LDLRAD4: variants seen among roughly 807,000 people sequenced by gnomAD.
LDLRAD4 encodes the protein low-density lipoprotein receptor class A domain-containing protein 4.
In LDLRAD4, 5 loss-of-function variants were observed where a neutral mutation model predicts 17.0. That is an observed-to-expected ratio of 0.29 (90% confidence interval 0.15 to 0.62). LDLRAD4 has a LOEUF of 0.62. Ranked by LOEUF, LDLRAD4 falls within the 20% of genes least tolerant of loss-of-function variation. LDLRAD4 has a pLI of 0.84. For synonymous variants in LDLRAD4, 168 were observed against 171.8 expected, an observed-to-expected ratio of 0.98 and a Z score of 0.17; for missense variants, 340 against 424.7, an observed-to-expected ratio of 0.80 and a Z score of 1.75.
chr18:13,518,317 C>T lies in LDLRAD4; in HGVS notation c.181+79933C>T, dbSNP rs550101025. Reference sequence around the variant, plus strand: ...ATTAGTTCACTCCTCAGCTGTGTCTCGTGTTACTAGACCCATCCAGTAGGT... The same window carrying T: ...ATTAGTTCACTCCTCAGCTGTGTCTTGTGTTACTAGACCCATCCAGTAGGT... On this transcript the variant is annotated intron_variant, in intron 3 of 5. Coordinates refer to ENST00000359446, the Ensembl canonical transcript of LDLRAD4. Among the ~76,000 whole-genome samples the T allele has an allele frequency of 5.3e-5, 8 of 152,286 alleles. No homozygotes were observed. The South Asian group carries it at 8.3e-4, about 16-fold the overall frequency.
At chr18:13,634,813 A>G (rs2041950092) in intron 4 of LDLRAD4, among the ~76,000 whole-genome samples, 1 of 152,126 alleles carries the variant, frequency 6.6e-6, no homozygotes, top group Non-Finnish European at 1.5e-5. Flanking sequence ...AAGGTCTCAC[A>G]ATTCCTGATT....
intron 2 of LDLRAD4, among the ~76,000 whole-genome samples, chr18:13,401,721 A>G (rs1291013613): frequency 6.6e-6 from 1 of 152,214 alleles, no homozygotes; most frequent in Non-Finnish European, 1.5e-5. Flanking sequence ...GGGGTCAGAC[A>G]CGTGGAGAAT....
chr18:13,388,360 C>G (rs1196556819), intron 2 of LDLRAD4, among the ~76,000 whole-genome samples: 1 of 152,202 alleles, frequency 6.6e-6, no homozygotes, highest in Non-Finnish European at 1.5e-5. Flanking sequence ...AATTTGGATC[C>G]TGGCTCTTTT....
intron 4 of LDLRAD4, among the ~76,000 whole-genome samples, chr18:13,638,879 C>G (rs79983044): frequency 1.3e-5 from 2 of 152,140 alleles, no homozygotes; most frequent in African/African-American, 4.8e-5. Flanking sequence ...TGGACATGTG[C>G]ACATCTGCTC....
intron 3 of LDLRAD4, among the ~76,000 whole-genome samples, chr18:13,563,988 C>T (rs777094983): frequency 9.9e-5 from 15 of 152,214 alleles, no homozygotes; most frequent in Non-Finnish European, 1.6e-4. Context: ...TCACTGCAGC[C>T]TCAACCTCCT....
intron 3 of LDLRAD4, among the ~76,000 whole-genome samples, chr18:13,545,792 C>A (rs1382429015): frequency 6.6e-6 from 1 of 152,150 alleles, no homozygotes; most frequent in Non-Finnish European, 1.5e-5. Flanking sequence ...TGGGGTGGAG[C>A]CTTCCAGGGG....
rs551560694 is a variant in LDLRAD4 at position 13,260,106 on chromosome 18, C to T, written c.-466-17999C>T. On this transcript the variant is annotated intron_variant, in intron 1 of 5. Transcript: ENST00000399848. ...GTAGGTGCTAAGTTCAGGTCAGTTA[C>T]TTCCCCTTAAATAGAGAAGACTCTA... is the stretch of plus-strand genomic sequence containing the variant. Among the ~76,000 whole-genome samples the T allele has an allele frequency of 4.6e-5, 7 of 152,392 alleles. No homozygotes were observed. The South Asian group carries it at 1.4e-3, about 32-fold the overall frequency.
At chr18:13,374,737 C>T (rs1210780109) in intron 1 of LDLRAD4, among the ~76,000 whole-genome samples, 2 of 152,206 alleles carry the variant, frequency 1.3e-5, no homozygotes, top group East Asian at 3.9e-4. Context: ...ATGGTCATCC[C>T]TGTTGGCTGA....
chr18:13,406,847 G>C (rs898170970), intron 2 of LDLRAD4, among the ~76,000 whole-genome samples: 1 of 152,214 alleles, frequency 6.6e-6, no homozygotes, highest in Non-Finnish European at 1.5e-5. Flanking sequence ...CTGTCCCTGA[G>C]TAGAAATGCA....
intron 2 of LDLRAD4, among the ~76,000 whole-genome samples, chr18:13,436,006 C>T (rs1165264720): frequency 6.6e-6 from 1 of 152,212 alleles, no homozygotes; most frequent in African/African-American, 2.4e-5. Context: ...ATAATATCTG[C>T]TCTAATTATT....
chr18:13,369,252 AC>A (rs2084286071), intron 1 of LDLRAD4, among the ~76,000 whole-genome samples: 1 of 152,162 alleles, frequency 6.6e-6, no homozygotes, highest in Non-Finnish European at 1.5e-5. Context: ...TTTATAGAGC[AC>A]CTGTATTTGG....
intron 2 of LDLRAD4, among the ~76,000 whole-genome samples, chr18:13,411,530 G>T (rs1320772445): frequency 6.6e-6 from 1 of 152,116 alleles, no homozygotes. Flanking sequence ...TGAATCACAG[G>T]GATGAGTCTT....
intron 1 of LDLRAD4, among the ~76,000 whole-genome samples, chr18:13,297,134 G>C (rs982754414): frequency 2.0e-5 from 3 of 152,106 alleles, no homozygotes; most frequent in Admixed American, 2.0e-4. Flanking sequence ...ATTTTGCTTC[G>C]TGTTCTGAAA....
chr18:13,325,024 T>G (rs1213527615), intron 1 of LDLRAD4, among the ~76,000 whole-genome samples: 4 of 152,202 alleles, frequency 2.6e-5, no homozygotes, highest in Non-Finnish European at 5.9e-5. Flanking sequence ...GAAGAAGTCA[T>G]GTACACATTT....
chr18:13,514,207 G>T (rs886391649), intron 3 of LDLRAD4, among the ~76,000 whole-genome samples: 3 of 152,134 alleles, frequency 2.0e-5, no homozygotes, highest in Non-Finnish European at 2.9e-5. Context: ...CTGAAGTCCT[G>T]GGTTGTATCC....
intron 3 of LDLRAD4, among the ~76,000 whole-genome samples, chr18:13,446,573 A>G (rs917421141): frequency 1.3e-5 from 2 of 152,212 alleles, no homozygotes; most frequent in Non-Finnish European, 2.9e-5. Flanking sequence ...CTACAAACTG[A>G]TAAGCTATCC....
intron 1 of LDLRAD4, among the ~76,000 whole-genome samples, chr18:13,313,793 C>CCA: frequency 6.6e-6 from 1 of 150,698 alleles, no homozygotes; most frequent in Non-Finnish European, 1.5e-5. Flanking sequence ...TGTACCTGTG[C>CCA]CTTGTGAAAA....
rs138118404 is a variant in LDLRAD4 at position 13,261,314 on chromosome 18, A to G, written c.-466-16791A>G. On this transcript the variant is annotated intron_variant, in intron 1 of 5. Coordinates refer to the LDLRAD4 transcript ENST00000399848. Reference sequence around the variant, plus strand: ...AGATTTTCTTCATCTTGTTTACAAGAAAGAATGTGGTTTCTTAGCCAAGGA... The same window carrying G: ...AGATTTTCTTCATCTTGTTTACAAGGAAGAATGTGGTTTCTTAGCCAAGGA... Among the ~76,000 whole-genome samples, 175 of 152,344 alleles carry G rather than the reference A, an allele frequency of 1.1e-3. 1 individual carries two copies. In the Middle Eastern group the frequency reaches 0.017, roughly 15 times the overall value.
At chr18:13,544,493 T>G (rs946516640) in intron 3 of LDLRAD4, among the ~76,000 whole-genome samples, 2 of 152,060 alleles carry the variant, frequency 1.3e-5, no homozygotes, top group Non-Finnish European at 2.9e-5. Flanking sequence ...AGACAGAAAA[T>G]TGTGAAATCA....
Sources: gnomAD v4.1 joint callset for allele counts (sites outside exome capture counted in the v4.1 genomes callset) on GRCh38, gnomAD v4.1.1 for gene constraint, MANE v1.5 for transcripts, NCBI Gene and HGNC (gene_info 2026-07-23, HGNC 2026-07-21) for gene names.